TEK: variants seen among roughly 807,000 people sequenced by gnomAD.
TEK encodes TEK receptor tyrosine kinase.
Under a neutral mutation model 131.8 loss-of-function variants are expected in TEK, and 43 were observed. That is an observed-to-expected ratio of 0.33 (90% confidence interval 0.26 to 0.42). TEK has a LOEUF of 0.42. Among genes scored for constraint, TEK ranks in the 10% least tolerant of loss-of-function variants. The pLI is 1.00. For synonymous variants in TEK, 580 were observed against 491.6 expected (o/e 1.18, Z -2.38); for missense variants, 1,162 against 1,384.4 (o/e 0.84, Z 2.55).
At chr9:27,146,744 G>A (rs933292710) in intron 1 of TEK, among the ~76,000 whole-genome samples, 10 of 131,546 alleles carry the variant, frequency 7.6e-5, no homozygotes, top group African/African-American at 1.2e-4. Flanking sequence ...TTTTTTTGGC[G>A]GGGGGGACGG....
intron 7 of TEK, among the ~76,000 whole-genome samples, chr9:27,181,922 C>G (rs113494162): frequency 0.015 from 2,233 of 152,008 alleles, 51 homozygotes; most frequent in African/African-American, 0.051. Context: ...TTTTCTGTTA[C>G]TTTTGGAAAT....
chr9:27,133,101 T>C lies in TEK; in HGVS notation c.52+23459T>C, dbSNP rs185395293. The stretch of plus-strand genomic sequence containing the variant: ...TAATCCAGGTCTTCCGAAGCTGCCA[T>C]ATTGTTACTGAGTAATGCCTGAAAT... On this transcript the variant is annotated intron_variant, in intron 1 of 22. Transcript: ENST00000380036. Among the ~76,000 whole-genome samples the C allele has an allele frequency of 1.3e-3, 194 of 152,326 alleles. 3 individuals are homozygous for C. The highest frequency in any genetic ancestry group is 0.01 in the Admixed American group (154 of 15,288).
At chr9:27,125,173 C>T (rs940322926) in intron 1 of TEK, among the ~76,000 whole-genome samples, 1 of 152,174 alleles carries the variant, frequency 6.6e-6, no homozygotes, top group Non-Finnish European at 1.5e-5. Context: ...GGAGCTGGAG[C>T]CAGAAACACA....
At chr9:27,225,816 G>A (rs1297525581) in intron 21 of TEK, among the ~76,000 whole-genome samples, 4 of 152,040 alleles carry the variant, frequency 2.6e-5, no homozygotes, top group Admixed American at 6.6e-5. Context: ...CAGAATGGGA[G>A]AAAATTTTTG....
At chr9:27,223,301 A>C (rs1012840375) in intron 21 of TEK, among the ~76,000 whole-genome samples, 3 of 152,170 alleles carry the variant, frequency 2.0e-5, no homozygotes, top group Non-Finnish European at 4.4e-5. Context: ...AGAACTCTCC[A>C]CCCCAAATCA....
chr9:27,171,328 A>G (rs59063277), intron 4 of TEK, among the ~76,000 whole-genome samples: 1,607 of 152,306 alleles, frequency 0.011, 27 homozygotes, highest in African/African-American at 0.036. Context: ...GCCATCTCCA[A>G]TTCATTTGCT....
intron 6 of TEK, among the ~76,000 whole-genome samples, chr9:27,173,737 G>GTTTTTTTTTTTTT (rs35971876): frequency 1.1e-5 from 1 of 93,984 alleles, no homozygotes; most frequent in Non-Finnish European, 2.1e-5. Flanking sequence ...TTTTTTTTTG[G>GTTTTTTTTTTTTT]TTTTTTTTTT....
intron 1 of TEK, among the ~76,000 whole-genome samples, chr9:27,139,444 C>A (rs1031919335): frequency 2.7e-5 from 4 of 148,752 alleles, no homozygotes; most frequent in African/African-American, 9.9e-5. Context: ...CCTGCCTCAG[C>A]CTCCCGAGTA....
chr9:27,137,458 TA>T (rs201514538), intron 1 of TEK, among the ~76,000 whole-genome samples: 2 of 151,928 alleles, frequency 1.3e-5, no homozygotes. Context: ...TCTACTAGCT[TA>T]AAAGAATAGA....
At chr9:27,123,792 C>A (rs1392755224) in intron 1 of TEK, among the ~76,000 whole-genome samples, 1 of 151,274 alleles carries the variant, frequency 6.6e-6, no homozygotes, top group African/African-American at 2.4e-5. Flanking sequence ...TTTATTTATT[C>A]TTTTGAGATA....
chr9:27,185,574 C>T lies in TEK; in HGVS notation c.1272C>T (p.Cys424=). ...CCCCTGACTCAGGAGTTTGGGTCTG[C>T]AGTGTGAACACAGTGGCTGGGATGG... ...ILPPDSGVWV[C]SVNTVAGMVE... is the part of the protein sequence containing the mutation. Residue 424 remains cysteine (C), a synonymous_variant, in exon 9 of 23, where the codon TGC becomes TGT. Coordinates refer to ENST00000380036, the MANE Select transcript of TEK (RefSeq NM_000459.5). 2.5e-6 allele frequency: 4 copies of T among 1,613,830 alleles called. No homozygotes were observed. The highest frequency in any genetic ancestry group is 3.4e-6 in the Non-Finnish European group (4 of 1,179,810).
chr9:27,161,693 A>G (rs899319358), intron 2 of TEK, among the ~76,000 whole-genome samples: 1 of 152,250 alleles, frequency 6.6e-6, no homozygotes. Flanking sequence ...CCCAGGGCAC[A>G]GAGTAGAGGT....
intron 6 of TEK, 152 bp downstream of exon 6, chr9:27,173,514 A>ATG: frequency 2.6e-5 from 24 of 937,602 alleles, no homozygotes; most frequent in Non-Finnish European, 3.7e-5. Context: ...GTTTACATCC[A>ATG]ATGTTAATTA....
At chr9:27,116,699 A>G (rs1260193341) in intron 1 of TEK, among the ~76,000 whole-genome samples, 2 of 152,186 alleles carry the variant, frequency 1.3e-5, no homozygotes, top group Non-Finnish European at 2.9e-5. Flanking sequence ...AGCCACGGGC[A>G]TGGCTATATT....
At chr9:27,215,345 G>A (rs898575065) in intron 18 of TEK, among the ~76,000 whole-genome samples, 2 of 152,150 alleles carry the variant, frequency 1.3e-5, no homozygotes, top group Non-Finnish European at 2.9e-5. Context: ...AAGAAGGATT[G>A]GAGAGGAGCA....
At chr9:27,173,086 GTTCA>G in intron 5 of TEK, 132 bp from the exon 6 acceptor site, 1 of 1,183,836 alleles carries the variant, frequency 8.4e-7, no homozygotes, top group Non-Finnish European at 1.2e-6. Context: ...ATAAGGGTAT[GTTCA>G]TCCTACCATG....
intron 16 of TEK, among the ~76,000 whole-genome samples, 167 bp downstream of exon 16, chr9:27,209,398 T>A (rs777057248): frequency 2.0e-5 from 3 of 152,198 alleles, no homozygotes; most frequent in Non-Finnish European, 4.4e-5. Context: ...GTGCTGTGGT[T>A]TGCCTTGTTT....
At chr9:27,210,011 T>C (rs1825544355) in intron 16 of TEK, among the ~76,000 whole-genome samples, 1 of 152,194 alleles carries the variant, frequency 6.6e-6, no homozygotes, top group African/African-American at 2.4e-5. Context: ...ATTTACAAAC[T>C]TGACAGCCTC....
chr9:27,160,392 T>G (rs1171010752), intron 2 of TEK, among the ~76,000 whole-genome samples: 3 of 152,220 alleles, frequency 2.0e-5, no homozygotes, highest in Admixed American at 2.0e-4. Context: ...TCTTTTATAA[T>G]CTAACCATCT....
Sources: gnomAD v4.1 joint callset for allele counts (sites outside exome capture counted in the v4.1 genomes callset) on GRCh38, gnomAD v4.1.1 for gene constraint, MANE v1.5 for transcripts, NCBI Gene and HGNC (gene_info 2026-07-23, HGNC 2026-07-21) for gene names.